The following ADAMTSL1 variants were observed in gnomAD, a reference collection of about 807,000 sequenced individuals.
ADAMTSL1 encodes ADAMTS like 1.
Under a neutral mutation model 201.8 loss-of-function variants are expected in ADAMTSL1, and 126 were observed. The observed-to-expected ratio is 0.62, with a 90% CI of 0.54 to 0.72. The LOEUF (loss-of-function observed/expected upper bound fraction) is 0.72. Among genes scored for constraint, ADAMTSL1 ranks in the 30% least tolerant of loss-of-function variants. The pLI is 0.00. For missense variants in ADAMTSL1, 2,679 were observed against 2,277.8 expected (o/e 1.18, Z -3.59); for synonymous variants, 1,121 against 903.4 (o/e 1.24, Z -4.32).
intron 4 of ADAMTSL1, among the ~76,000 whole-genome samples, chr9:18,608,896 T>G (rs1825199044): frequency 6.6e-6 from 1 of 152,176 alleles, no homozygotes; most frequent in Non-Finnish European, 1.5e-5. Context: ...TGCTTTTGGC[T>G]TATTCATTTA....
intron 24 of ADAMTSL1, among the ~76,000 whole-genome samples, chr9:18,888,328 C>T (rs1829031333): frequency 6.6e-6 from 1 of 152,162 alleles, no homozygotes; most frequent in Non-Finnish European, 1.5e-5. Flanking sequence ...ATGGAAACAC[C>T]ACTATATATC....
intron 1 of ADAMTSL1, among the ~76,000 whole-genome samples, chr9:18,029,291 T>C (rs1004169689): frequency 1.3e-5 from 2 of 152,030 alleles, no homozygotes; most frequent in African/African-American, 2.4e-5. Context: ...AACAAAGCCA[T>C]AGGGAAAGGA....
intron 2 of ADAMTSL1, among the ~76,000 whole-genome samples, chr9:18,338,586 A>G (rs1233651009): frequency 6.6e-6 from 1 of 152,102 alleles, no homozygotes; most frequent in Non-Finnish European, 1.5e-5. Flanking sequence ...AGCTGGAACT[A>G]CAGGGGTATG....
At chr9:18,862,874 TA>T (rs566693579) in intron 23 of ADAMTSL1, among the ~76,000 whole-genome samples, 2 of 152,046 alleles carry the variant, frequency 1.3e-5, no homozygotes, top group African/African-American at 4.8e-5. Flanking sequence ...GTTGAAACTT[TA>T]AAAAAAATGC....
intron 20 of ADAMTSL1, among the ~76,000 whole-genome samples, chr9:18,804,033 A>C (rs977394816): frequency 6.6e-6 from 1 of 152,204 alleles, no homozygotes; most frequent in Non-Finnish European, 1.5e-5. Flanking sequence ...TTAGAAGCAG[A>C]ATAGGACTAT....
At chr9:18,376,546 T>C (rs1035805202) in intron 2 of ADAMTSL1, among the ~76,000 whole-genome samples, 2 of 152,232 alleles carry the variant, frequency 1.3e-5, no homozygotes, top group Non-Finnish European at 2.9e-5. Context: ...GGCTCATGCC[T>C]GTAATCCTAG....
At chr9:18,032,386 T>G (rs1356565296) in intron 1 of ADAMTSL1, among the ~76,000 whole-genome samples, 2 of 152,210 alleles carry the variant, frequency 1.3e-5, no homozygotes, top group African/African-American at 4.8e-5. Context: ...GACTGAGTAC[T>G]GGCTGTGCTG....
chr9:18,266,499 G>A (rs1484397999), intron 2 of ADAMTSL1, among the ~76,000 whole-genome samples: 1 of 152,176 alleles, frequency 6.6e-6, no homozygotes, highest in African/African-American at 2.4e-5. Flanking sequence ...TGAGCTTCTG[G>A]TGTCTTAGGA....
intron 2 of ADAMTSL1, among the ~76,000 whole-genome samples, chr9:18,456,154 AT>A (rs748058516): frequency 1.3e-5 from 2 of 152,122 alleles, no homozygotes; most frequent in Non-Finnish European, 2.9e-5. Context: ...CCATTATTCA[AT>A]TATTAATCAT....
chr9:18,405,015 C>A (rs150140813), intron 2 of ADAMTSL1, among the ~76,000 whole-genome samples: 2 of 152,208 alleles, frequency 1.3e-5, no homozygotes, highest in East Asian at 3.9e-4. Context: ...TGCCTTGAAT[C>A]TCCCTTTTCC....
chr9:18,749,098 T>C (rs1819310053), intron 15 of ADAMTSL1, among the ~76,000 whole-genome samples: 1 of 152,222 alleles, frequency 6.6e-6, no homozygotes, highest in South Asian at 2.1e-4. Flanking sequence ...CACCCTACTC[T>C]AGTTTGACCT....
intron 20 of ADAMTSL1, 97 bp from the exon 21 acceptor site, chr9:18,817,011 GA>G (rs1355150398): frequency 6.9e-7 from 1 of 1,454,922 alleles, no homozygotes; most frequent in Non-Finnish European, 9.2e-7. Context: ...AGTCTGGGTA[GA>G]CCAGCCATGC....
intron 7 of ADAMTSL1, among the ~76,000 whole-genome samples, chr9:18,649,839 G>A (rs564488098): frequency 2.0e-5 from 3 of 152,292 alleles, no homozygotes; most frequent in South Asian, 2.1e-4. Context: ...GGGGTCAGGG[G>A]TCAGGGACCT....
intron 1 of ADAMTSL1, among the ~76,000 whole-genome samples, chr9:17,984,341 A>G (rs1306895616): frequency 1.3e-5 from 2 of 152,126 alleles, no homozygotes; most frequent in Non-Finnish European, 2.9e-5. Flanking sequence ...TGACTAATTT[A>G]TCTCTCTGTG....
intron 1 of ADAMTSL1, among the ~76,000 whole-genome samples, chr9:18,022,970 C>A (rs1042241823): frequency 1.3e-5 from 2 of 151,974 alleles, no homozygotes; most frequent in Admixed American, 6.6e-5. Context: ...TTTCTCTTAC[C>A]CTCTTCCTCT....
intron 5 of ADAMTSL1, among the ~76,000 whole-genome samples, chr9:18,627,306 T>C (rs1826453315): frequency 1.3e-5 from 2 of 152,204 alleles, no homozygotes; most frequent in Non-Finnish European, 2.9e-5. Flanking sequence ...TAGCCATTCT[T>C]ATCAGTGAGT....
intron 2 of ADAMTSL1, among the ~76,000 whole-genome samples, chr9:18,254,503 C>T (rs1041012054): frequency 6.6e-6 from 1 of 151,694 alleles, no homozygotes; most frequent in Non-Finnish European, 1.5e-5. Flanking sequence ...GCTGGGACTA[C>T]AGGCTCCCGC....
intron 1 of ADAMTSL1, among the ~76,000 whole-genome samples, chr9:17,963,121 G>C (rs1817825856): frequency 6.6e-6 from 1 of 152,156 alleles, no homozygotes; most frequent in Admixed American, 6.5e-5. Context: ...TTTTTAGTTT[G>C]TGTGAAGTGG....
rs1446146300 is a variant in ADAMTSL1, at chr9:18,169,261, C to G, written c.207+5280C>G. On this transcript the variant is annotated intron_variant, in intron 2 of 29. Coordinates refer to the ADAMTSL1 transcript ENST00000680146. ...TTCTAGGGTTTTTATGGTTTTAGGT[C>G]TAACATTTAAGTCTTTAATCCATCT... 5.3e-5 allele frequency among the ~76,000 whole-genome samples: 8 copies of G among 151,342 alleles called. No individual in the cohort carries two copies. In the South Asian group the frequency reaches 1.7e-3, roughly 32 times the overall value.
Sources: gnomAD v4.1 joint callset for allele counts (sites outside exome capture counted in the v4.1 genomes callset) on GRCh38, gnomAD v4.1.1 for gene constraint, MANE v1.5 for transcripts, NCBI Gene and HGNC (gene_info 2026-07-23, HGNC 2026-07-21) for gene names.